The following SMARCB1 variants were observed in gnomAD, a reference collection of about 807,000 sequenced individuals.
SMARCB1 encodes the protein SWI/SNF related BAF chromatin remodeling complex subunit B1.
A neutral mutation model predicts 49.0 loss-of-function variants in SMARCB1; 5 were observed. The ratio of observed to expected loss-of-function variants is 0.10; its 90% confidence interval spans 0.05 to 0.21. The LOEUF is 0.21. Ranked by LOEUF, SMARCB1 falls within the 10% of genes least tolerant of loss-of-function variation. The pLI is 1.00. For missense variants in SMARCB1, 226 were observed against 509.2 expected (o/e 0.44, Z 5.35); for synonymous variants, 201 against 200.1 (o/e 1.00, Z -0.04).
chr22:23,836,838 G>A lies in SMARCB1; in HGVS notation c.*2658G>A. ...GTCATGGGTAGGATGGAAGCTGCCAGAAGCCTCTTAGGCCTGGCCCTGGGT... is the reference window on the plus strand; with the variant it reads ...GTCATGGGTAGGATGGAAGCTGCCAAAAGCCTCTTAGGCCTGGCCCTGGGT... On this transcript the variant is annotated 3_prime_UTR_variant, in exon 9 of 9. Coordinates refer to ENST00000644036, the MANE Select transcript of SMARCB1 (RefSeq NM_003073.5). The A allele has an allele frequency of 1.4e-6, 2 of 1,438,974 alleles. No homozygotes were observed. Among genetic ancestry groups the A allele is most frequent in the Non-Finnish European group, 1.8e-6 (2 of 1,094,820 alleles). 89.1% of individuals were successfully genotyped at this position (1,438,974 alleles called of 1,614,324 possible).
intron 1 of SMARCB1, among the ~76,000 whole-genome samples, chr22:23,790,292 A>G (rs1928294799): frequency 2.0e-5 from 3 of 152,248 alleles, no homozygotes; most frequent in Non-Finnish European, 4.4e-5. Context: ...CAAATAACAT[A>G]GAGGGGTCTG....
rs1202729453 is a variant in SMARCB1 at position 23,837,726 on chromosome 22, C to T, written c.*3546C>T. The T allele has an allele frequency of 4.3e-6, 7 of 1,613,894 alleles. No homozygotes were observed. In the East Asian group the frequency reaches 1.1e-4, roughly 26 times the overall value. On this transcript the variant is annotated 3_prime_UTR_variant, in exon 9 of 9. Coordinates refer to ENST00000644036, the MANE Select transcript of SMARCB1 (RefSeq NM_003073.5). ...AGCCCATGAGCGCCCAAGGCAGGAA[C>T]GGTGCCTGGAAAGTGAGCAGGCCGA...
At chr22:23,823,878 C>T (rs903539589) in intron 6 of SMARCB1, 3 of 152,232 alleles carry the variant, frequency 2.0e-5, no homozygotes, top group Admixed American at 6.5e-5. Flanking sequence ...AGTGCATGTC[C>T]GTAGTTCCAG....
In SMARCB1 at chr22:23,800,928, T is replaced by G; in HGVS notation, c.363-16T>G. ...CTCCTATACTGACTGGGAGGACTTT[T>G]CTTGTATCTCCTCAGGGAACAGAAG... is the stretch of plus-strand genomic sequence containing the variant. On this transcript the variant is annotated splice_polypyrimidine_tract_variant and intron_variant, in intron 3 of 8. Transcript: ENST00000644036. The G allele has an allele frequency of 6.2e-7, 1 of 1,607,842 alleles. No homozygotes were observed. Among genetic ancestry groups the G allele is most frequent in the Non-Finnish European group, 8.5e-7 (1 of 1,174,274 alleles).
intron 1 of SMARCB1, among the ~76,000 whole-genome samples, chr22:23,790,857 ATAAAAAT>A (rs1038353465): frequency 2.0e-5 from 3 of 152,206 alleles, no homozygotes; most frequent in Non-Finnish European, 2.9e-5. Flanking sequence ...AAAAATAATA[ATAAAAAT>A]TAAAAATAAA....
At chr22:23,821,344 G>C (rs2030076539) in intron 6 of SMARCB1, among the ~76,000 whole-genome samples, 1 of 151,812 alleles carries the variant, frequency 6.6e-6, no homozygotes, top group African/African-American at 2.4e-5. Context: ...GTCCTGTCTT[G>C]CCCATGAGGA....
chr22:23,792,641 T>C (rs980763326), intron 2 of SMARCB1: 3 of 158,532 alleles, frequency 1.9e-5, no homozygotes, highest in Non-Finnish European at 2.8e-5. Flanking sequence ...TGCTTCGTAG[T>C]CTGCCCTGTT....
At chr22:23,824,899 G>A (rs1414037371) in intron 6 of SMARCB1, 52 of 449,554 alleles carry the variant, frequency 1.2e-4, no homozygotes, top group South Asian at 9.2e-4. Flanking sequence ...CAGCAGGAGC[G>A]AAGGGCAGAA....
intron 5 of SMARCB1, chr22:23,814,858 T>C (rs1488273257): frequency 6.6e-6 from 1 of 151,100 alleles, no homozygotes; most frequent in Non-Finnish European, 1.5e-5. Context: ...TAATTCCAGC[T>C]ACTTGGGAGG....
At chr22:23,793,283 GCTGCCCTGAGCACTTCCCT>G (rs2145962983) in intron 2 of SMARCB1, 1 of 508,914 alleles carries the variant, frequency 2.0e-6, no homozygotes, top group East Asian at 3.8e-5. Context: ...AGTTGCTGGT[GCTGCCCTGAGCACTTCCCT>G]CTGCCCCGAG....
At position 23,803,308 on chromosome 22, in the gene SMARCB1, G is replaced by T. The variant is rs772442515; in HGVS notation, c.514G>T (p.Asp172Tyr). The T allele has an allele frequency of 1.2e-6, 2 of 1,614,182 alleles. No homozygotes were observed. Among genetic ancestry groups the T allele is most frequent in the South Asian group, 1.1e-5 (1 of 91,080 alleles). ...RTFPLCFDDH[D>Y]PAVIHENASQ... is the part of the protein sequence containing the mutation. ...TTTCACTTTCAGCTTTGATGACCAT[G>T]ACCCAGCTGTGATCCATGAGAACGC... The change falls in exon 5 of 9, where the codon GAC (aspartate) becomes TAC (tyrosine). Residue 172 changes from aspartate (D) to tyrosine (Y), a missense_variant. Physicochemically the swap from Asp to Tyr is radical, Grantham distance 160. This residue lies in a region of SMARCB1 where 128 missense variants were observed against 263.9 expected (regional missense o/e 0.49). Transcript: ENST00000644036.
chr22:23,809,693 G>A lies in SMARCB1; in HGVS notation c.628+6271G>A, dbSNP rs538964990. Among the ~76,000 whole-genome samples the A allele has an allele frequency of 9.2e-4, 140 of 151,862 alleles. 3 individuals carry two copies. In the South Asian group the frequency reaches 0.028, roughly 30 times the overall value. Reference sequence around the variant, plus strand: ...CCCAAAGTGCTGGGATTATAGGCATGAGCCACCGCGCCCAGCCGAATGATG... The same window carrying A: ...CCCAAAGTGCTGGGATTATAGGCATAAGCCACCGCGCCCAGCCGAATGATG... On this transcript the variant is annotated intron_variant, in intron 5 of 8. Coordinates refer to ENST00000644036, the MANE Select transcript of SMARCB1 (RefSeq NM_003073.5).
chr22:23,813,304 A>G (rs958250046), intron 5 of SMARCB1, among the ~76,000 whole-genome samples: 1 of 152,260 alleles, frequency 6.6e-6, no homozygotes, highest in Admixed American at 6.5e-5. Flanking sequence ...GAGAAAAGGA[A>G]ATAAAAGACG....
chr22:23,787,029 C>T lies in SMARCB1; in HGVS notation c.-141C>T. The T allele has an allele frequency of 5.4e-6, 3 of 550,956 alleles. No homozygotes were observed. Among genetic ancestry groups the T allele is most frequent in the Non-Finnish European group, 9.5e-6 (3 of 316,008 alleles). The allele number at this position is 550,956 out of a possible 1,614,324, so 34.1% of individuals were successfully genotyped here. A position where few individuals can be genotyped will look rare whatever the true frequency, so the allele number is the denominator to read the frequency against. On this transcript the variant is annotated 5_prime_UTR_variant, in exon 1 of 9. Coordinates refer to ENST00000644036, the MANE Select transcript of SMARCB1 (RefSeq NM_003073.5). The stretch of plus-strand genomic sequence containing the variant: ...TGCGGCGGCGGCGGCGGCTGAGGAG[C>T]CCGGCTGAGGCGCCAGTACCCGGCC...
rs77520973 is a variant in SMARCB1 at position 23,789,080 on chromosome 22, G to A, written c.93+1818G>A. ...GTCCAGGCTGGTCTTAAACTTGTGA[G>A]CTCAAGTGATCTGCCCGCCTCGGCC... On this transcript the variant is annotated intron_variant, in intron 1 of 8. Transcript: ENST00000644036. Among the ~76,000 whole-genome samples the A allele has an allele frequency of 3.1e-4, 47 of 152,278 alleles. No homozygotes were observed. In the East Asian group the frequency reaches 8.3e-3, roughly 27 times the overall value.
At chr22:23,832,496 A>C (rs2030706486) in intron 7 of SMARCB1, among the ~76,000 whole-genome samples, 1 of 152,034 alleles carries the variant, frequency 6.6e-6, no homozygotes. Context: ...GAGCCTAGGG[A>C]GAGCCAAGTG....
Position 23,830,649 on chromosome 22 carries a change from C to CTTTTTTTTTTTTTTTTTT in SMARCB1, c.987-2907_987-2890dup, listed in dbSNP as rs56800497. Among the ~76,000 whole-genome samples, 61 of 95,416 alleles carry CTTTTTTTTTTTTTTTTTT rather than the reference C, an allele frequency of 6.4e-4. 2 individuals carry two copies. Among genetic ancestry groups the CTTTTTTTTTTTTTTTTTT allele is most frequent in the East Asian group, 7.5e-4 (2 of 2,662 alleles). The allele number at this position is 95,416 out of a possible 152,430, so 62.6% of individuals were successfully genotyped here. ...TTCATTTTGATGTAGTCCAATTTAT[C>CTTTTTTTTTTTTTTTTTT]TTTTTTTTTTTTTTTTTTTTTTTTT... On this transcript the variant is annotated intron_variant, in intron 7 of 8. Transcript: ENST00000644036.
Position 23,834,632 on chromosome 22 carries a change from C to A in SMARCB1, c.*452C>A, listed in dbSNP as rs188701155. The A allele has an allele frequency of 4.2e-4, 348 of 823,088 alleles. 1 individual carries two copies. The African/African-American group carries it at 5.5e-3, about 13-fold the overall frequency. 51.0% of individuals were successfully genotyped at this position (823,088 alleles called of 1,614,324 possible). A position where few individuals can be genotyped will look rare whatever the true frequency, so the allele number is the denominator to read the frequency against. On this transcript the variant is annotated 3_prime_UTR_variant, in exon 9 of 9. Transcript: ENST00000644036. ...GAACAAGGTTGGCACACAGGCCTCA[C>A]CCTCCTCTGCCTCAGATTCCCAAGT...
chr22:23,837,791 C>A lies in SMARCB1; in HGVS notation c.*3611C>A, dbSNP rs774217694. ...ACCCGAGGGCTGCGGCGGCTCCACA[C>A]GTACACCAGCATGGCCATGAGGGCC... On this transcript the variant is annotated 3_prime_UTR_variant, in exon 9 of 9. Coordinates refer to ENST00000644036, the MANE Select transcript of SMARCB1 (RefSeq NM_003073.5). The A allele has an allele frequency of 1.5e-5, 24 of 1,613,734 alleles. No individual in the cohort carries two copies. The highest frequency in any genetic ancestry group is 1.3e-4 in the Admixed American group (8 of 60,002).
Sources: allele counts gnomAD v4.1 joint callset (sites outside exome capture counted in the v4.1 genomes callset), GRCh38; gene constraint gnomAD v4.1.1; regional missense constraint gnomAD v4.1.1; transcripts MANE v1.5; gene names NCBI Gene and HGNC (gene_info 2026-07-23, HGNC 2026-07-21).